Variants in DMD observed in about 807,000 individuals in gnomAD.
DMD encodes the protein dystrophin, also known as mutant dystrophin.
In DMD, 63 loss-of-function variants were observed where a neutral mutation model predicts 330.1. The ratio of observed to expected loss-of-function variants is 0.19; its 90% CI spans 0.16 to 0.24. DMD has a LOEUF of 0.24. DMD is among the 10% of genes least tolerant of loss of function. DMD has a pLI of 1.00. For synonymous variants in DMD, 1,223 were observed against 959.8 expected (o/e 1.27, Z -5.07); for missense variants, 3,344 against 2,684.1 (o/e 1.25, Z -5.43).
intron 50 of DMD, among the ~76,000 whole-genome samples, chrX:31,777,940 T>C (rs1448032500): frequency 7.1e-5 from 8 of 112,136 alleles, no homozygotes; most frequent in Non-Finnish European, 1.5e-4. Context: ...CCTCCAGACT[T>C]ACCTCTCTCC....
chrX:33,075,794 G>A (rs1209192482), intron 1 of DMD, among the ~76,000 whole-genome samples: 1 of 111,488 alleles, frequency 9.0e-6, no homozygotes, highest in Non-Finnish European at 1.9e-5. Flanking sequence ...GCTCATTCCT[G>A]GGGGTAAGCT....
intron 45 of DMD, among the ~76,000 whole-genome samples, chrX:31,966,695 A>G (rs1038078749): frequency 9.0e-6 from 1 of 111,252 alleles, no homozygotes; most frequent in African/African-American, 3.3e-5. Flanking sequence ...TTATAAAATT[A>G]GAAAGATCTA....
chrX:32,347,077 C>T (rs2097766309), intron 38 of DMD, among the ~76,000 whole-genome samples: 1 of 111,520 alleles, frequency 9.0e-6, no homozygotes, highest in Non-Finnish European at 1.9e-5. Flanking sequence ...TAAACTTCAA[C>T]ACGCAACTGA....
chrX:31,758,640 T>C (rs755035570), intron 51 of DMD, among the ~76,000 whole-genome samples: 1 of 111,574 alleles, frequency 9.0e-6, no homozygotes, highest in East Asian at 2.8e-4. Flanking sequence ...AAAGCTTTAT[T>C]TATGATGCAA....
chrX:31,471,493 T>A (rs2067301603), intron 59 of DMD, among the ~76,000 whole-genome samples: 1 of 111,711 alleles, frequency 9.0e-6, no homozygotes, highest in African/African-American at 3.3e-5. Context: ...GTCTAACCAG[T>A]CCCAGTGAGA....
chrX:31,632,261 C>G (rs1055547280), intron 54 of DMD, among the ~76,000 whole-genome samples: 1 of 110,923 alleles, frequency 9.0e-6, no homozygotes, highest in Non-Finnish European at 1.9e-5. Flanking sequence ...CCGGGGTAAG[C>G]CTAAAGAGCT....
chrX:33,049,004 C>T (rs937009407), intron 1 of DMD, among the ~76,000 whole-genome samples: 2 of 111,404 alleles, frequency 1.8e-5, no homozygotes, highest in Non-Finnish European at 3.8e-5. Flanking sequence ...CTCACTGAAC[C>T]TCAGATCTTA....
chrX:31,335,582 A>G (rs1055644560), intron 61 of DMD, among the ~76,000 whole-genome samples: 4 of 111,971 alleles, frequency 3.6e-5, no homozygotes, highest in African/African-American at 9.7e-5. Context: ...AGATTCATGT[A>G]ATTTTATGCT....
intron 54 of DMD, among the ~76,000 whole-genome samples, chrX:31,634,018 T>C (rs1458434089): frequency 3.6e-5 from 4 of 112,306 alleles, no homozygotes; most frequent in South Asian, 3.6e-4. Context: ...ATATTCATTG[T>C]ACTAAAAGAA....
At position 31,460,817 on chromosome X, in the gene DMD, T is replaced by G. The variant is rs146898177; in HGVS notation, c.8938-16190A>C. Among the ~76,000 whole-genome samples the G allele has an allele frequency of 2.5e-3, 283 of 111,512 alleles. 2 individuals carry two copies. Among genetic ancestry groups the G allele is most frequent in the African/African-American group, 8.6e-3 (264 of 30,741 alleles). On this transcript the variant is annotated intron_variant, in intron 59 of 78. Transcript: ENST00000357033. ...GGCTGGTCTTAAACTCCTGAGCTCA[T>G]GCAACCCACCCACCTCGGCCTCCCA...
intron 25 of DMD, among the ~76,000 whole-genome samples, chrX:32,457,703 G>C (rs770360381): frequency 3.7e-5 from 2 of 53,597 alleles, no homozygotes; most frequent in Admixed American, 5.6e-4. Flanking sequence ...AAAACAAGAA[G>C]CTAGTTTTTT....
At position 31,480,769 on chromosome X, in the gene DMD, G is replaced by A. The variant is rs1173725030; in HGVS notation, c.8548-1666C>T. ...TCTATTGAACTACCATGTGTCAGTGGTTGTACCTGAAACTGGAAATACAAA... is the reference window on the plus strand; with the variant it reads ...TCTATTGAACTACCATGTGTCAGTGATTGTACCTGAAACTGGAAATACAAA... On this transcript the variant is annotated intron_variant, in intron 57 of 78. Transcript: ENST00000357033. Among the ~76,000 whole-genome samples the A allele has an allele frequency of 2.7e-5, 3 of 111,145 alleles. No homozygotes were observed. The Admixed American group carries it at 2.9e-4, about 11-fold the overall frequency.
intron 51 of DMD, among the ~76,000 whole-genome samples, chrX:31,742,322 T>C (rs2087423184): frequency 8.8e-6 from 1 of 113,085 alleles, no homozygotes; most frequent in South Asian, 3.6e-4. Flanking sequence ...GCTTTCAGCC[T>C]GTCTTGGCTT....
chrX:32,118,879 A>G (rs2096622607), intron 44 of DMD, among the ~76,000 whole-genome samples: 3 of 110,748 alleles, frequency 2.7e-5, no homozygotes, highest in Admixed American at 9.6e-5. Context: ...CACACAACCT[A>G]GATCCCTCGT....
intron 1 of DMD, among the ~76,000 whole-genome samples, chrX:33,327,391 T>C (rs1324146719): frequency 8.9e-6 from 1 of 111,739 alleles, no homozygotes; most frequent in Non-Finnish European, 1.9e-5. Flanking sequence ...AACCTTGGAA[T>C]AGGTTGCTAA....
At chrX:33,027,948 T>C (rs927533200) in intron 1 of DMD, among the ~76,000 whole-genome samples, 2 of 111,616 alleles carry the variant, frequency 1.8e-5, no homozygotes, top group African/African-American at 6.5e-5. Context: ...ATGGCAGAGA[T>C]GACCCTAGAA....
chrX:32,372,480 A>G (rs1413189224), intron 34 of DMD, among the ~76,000 whole-genome samples: 4 of 111,219 alleles, frequency 3.6e-5, no homozygotes, highest in Non-Finnish European at 7.6e-5. Flanking sequence ...ATTTCCTTCC[A>G]TCATCTCTAT....
chrX:31,622,846 TTATATATA>T (rs757102035), intron 55 of DMD, among the ~76,000 whole-genome samples: 5,533 of 74,129 alleles, frequency 0.075, 211 homozygotes, highest in African/African-American at 0.13. Flanking sequence ...CAGAAAAATT[TTATATATA>T]TATATATATA....
intron 1 of DMD, among the ~76,000 whole-genome samples, chrX:33,066,606 T>C (rs776334080): frequency 1.6e-4 from 18 of 110,239 alleles, no homozygotes; most frequent in Non-Finnish European, 2.7e-4. Flanking sequence ...CTAGATCTTC[T>C]TATGGTCCTC....
Sources: allele counts gnomAD v4.1 joint callset (sites outside exome capture counted in the v4.1 genomes callset), GRCh38; gene constraint gnomAD v4.1.1; transcripts MANE v1.5; gene names NCBI Gene and HGNC (gene_info 2026-07-23, HGNC 2026-07-21).